Variants in ZNF695 observed in about 807,000 individuals in gnomAD.
ZNF695 encodes the protein zinc finger protein SBZF3.
Under a neutral mutation model 11.2 loss-of-function variants are expected in ZNF695, and 11 were observed. The ratio of observed to expected loss-of-function variants is 0.98; its 90% CI spans 0.62 to 1.62. ZNF695 has a LOEUF of 1.62. ZNF695 is among the 40% of genes most tolerant of loss of function. The pLI, the probability that ZNF695 is intolerant of heterozygous loss-of-function variation, is 0.00. For missense variants in ZNF695, 559 were observed against 590.5 expected (o/e 0.95, Z 0.55); for synonymous variants, 190 against 201.4 (o/e 0.94, Z 0.48).
At chr1:246,957,313 T>G (rs150621473) in intron 5 of ZNF695, among the ~76,000 whole-genome samples, 2,533 of 151,216 alleles carry the variant, frequency 0.017, 33 homozygotes, top group African/African-American at 0.038. Context: ...AACTAGGGAG[T>G]TGGAGGTTGC....
chr1:246,962,888 G>A (rs1572509271), intron 5 of ZNF695, among the ~76,000 whole-genome samples: 1 of 151,884 alleles, frequency 6.6e-6, no homozygotes, highest in Admixed American at 6.6e-5. Flanking sequence ...GTAGATAACC[G>A]GGATGGTCTT....
intron 5 of ZNF695, among the ~76,000 whole-genome samples, chr1:246,947,946 C>T (rs1490354235): frequency 6.6e-6 from 1 of 152,152 alleles, no homozygotes; most frequent in Non-Finnish European, 1.5e-5. Context: ...GAGTTGTTTG[C>T]TGAGGCCATG....
chr1:246,959,310 A>AG (rs1276347180), intron 5 of ZNF695, among the ~76,000 whole-genome samples: 1 of 51,252 alleles, frequency 2.0e-5, no homozygotes, highest in Admixed American at 3.5e-4. Flanking sequence ...AAAAAAAAAA[A>AG]ATATATATAT....
chr1:246,992,163 C>CA (rs57295361), intron 3 of ZNF695, among the ~76,000 whole-genome samples: 7,711 of 138,024 alleles, frequency 0.056, 224 homozygotes, highest in Non-Finnish European at 0.065. Context: ...GACTCTGTCT[C>CA]AAAAAAAAAA....
intron 4 of ZNF695, among the ~76,000 whole-genome samples, chr1:246,971,725 T>A (rs187299133): frequency 6.6e-6 from 1 of 152,328 alleles, no homozygotes; most frequent in African/African-American, 2.4e-5. Context: ...TAATGATTAA[T>A]GATATTTATA....
chr1:246,968,177 T>G (rs1184075840), intron 4 of ZNF695: 1 of 152,334 alleles, frequency 6.6e-6, no homozygotes, highest in Non-Finnish European at 1.5e-5. Flanking sequence ...AGCAAGTTAG[T>G]TACATCTAGG....
chr1:246,985,948 C>A lies in ZNF695; in HGVS notation c.*1019G>T. 1 of 985,414 alleles carries A rather than the reference C, an allele frequency of 1.0e-6. No homozygotes were observed. The highest frequency in any genetic ancestry group is 4.7e-5 in the South Asian group (1 of 21,286). The allele number at this position is 985,414 out of a possible 1,614,324, so 61.0% of individuals were successfully genotyped here. ...CATGTAGCAACAGTAGGCCTCATGCCTTCACATAAACACTAGAAATGAAGG... is the reference window on the plus strand; with the variant it reads ...CATGTAGCAACAGTAGGCCTCATGCATTCACATAAACACTAGAAATGAAGG... On this transcript the variant is annotated 3_prime_UTR_variant, in exon 4 of 4. Coordinates refer to ENST00000339986, the MANE Select transcript of ZNF695 (RefSeq NM_020394.5).
At chr1:247,004,831 G>A (rs1206615921) in intron 1 of ZNF695, among the ~76,000 whole-genome samples, 3 of 152,098 alleles carry the variant, frequency 2.0e-5, no homozygotes, top group Non-Finnish European at 4.4e-5. Context: ...TCCCACTTAC[G>A]ATAGCAACAA....
chr1:247,005,232 C>T lies in ZNF695; in HGVS notation c.3+2674G>A, dbSNP rs1420021427. ...AAAACAGCATGGTACTAGCATAAAA[C>T]AAGACACATAGCTCTATGGAACAAA... is the stretch of plus-strand genomic sequence containing the variant. On this transcript the variant is annotated intron_variant, in intron 1 of 3. Coordinates refer to ENST00000339986, the MANE Select transcript of ZNF695 (RefSeq NM_020394.5). Among the ~76,000 whole-genome samples the T allele has an allele frequency of 2.6e-5, 4 of 152,050 alleles. 1 individual carries two copies. The South Asian group carries it at 8.3e-4, about 32-fold the overall frequency.
rs1048732009 is a variant in ZNF695, at chr1:246,986,618, G to A, written c.*349C>T. The A allele has an allele frequency of 1.1e-5, 11 of 1,014,008 alleles. No individual in the cohort carries two copies. The highest frequency in any genetic ancestry group is 1.3e-5 in the Non-Finnish European group (11 of 849,006). 62.8% of individuals were successfully genotyped at this position (1,014,008 alleles called of 1,614,324 possible). ...GTGTGAACACTCTGGTGTTTTCTGAGGTATATTTTTTGAACAAATGTTGTT... is the reference window on the plus strand; with the variant it reads ...GTGTGAACACTCTGGTGTTTTCTGAAGTATATTTTTTGAACAAATGTTGTT... On this transcript the variant is annotated 3_prime_UTR_variant, in exon 4 of 4. Transcript: ENST00000339986.
rs1572540413 is a variant in ZNF695 at position 247,007,738 on chromosome 1, ACCTGCGC to A, written c.3+161_3+167del. Among the ~76,000 whole-genome samples the A allele has an allele frequency of 2.0e-5, 3 of 151,658 alleles. No individual in the cohort carries two copies. In the East Asian group the frequency reaches 5.9e-4, roughly 30 times the overall value. On this transcript the variant is annotated intron_variant, in intron 1 of 3. Transcript: ENST00000339986. Reference sequence around the variant, plus strand: ...GGATCCCGCTGCCGGCCCGGCCCCCACCTGCGCGGGACGGGACTGAGGGCCGAGCTGC... The same window carrying A: ...GGATCCCGCTGCCGGCCCGGCCCCCAGGGACGGGACTGAGGGCCGAGCTGC...
chr1:246,999,892 GA>G lies in ZNF695; in HGVS notation c.166+19del. 4 of 1,611,470 alleles carry G rather than the reference GA, an allele frequency of 2.5e-6. No homozygotes were observed. Among genetic ancestry groups the G allele is most frequent in the Non-Finnish European group, 3.4e-6 (4 of 1,178,394 alleles). On this transcript the variant is annotated intron_variant, in intron 2 of 3. Transcript: ENST00000339986. Reference sequence around the variant, plus strand: ...AACTCCCAGAAAACATTCTACAAAGGAAAAAGATGAAATCCTTACTGTGAAA... The same window carrying G: ...AACTCCCAGAAAACATTCTACAAAGGAAAAGATGAAATCCTTACTGTGAAA...
chr1:246,971,869 C>T (rs1298245176), intron 4 of ZNF695, among the ~76,000 whole-genome samples: 1 of 152,150 alleles, frequency 6.6e-6, no homozygotes, highest in Admixed American at 6.5e-5. Flanking sequence ...AGTGCACCAC[C>T]ACACCCGGCT....
intron 4 of ZNF695, among the ~76,000 whole-genome samples, chr1:246,974,157 CA>C (rs879375430): frequency 2.7e-4 from 35 of 127,402 alleles, no homozygotes; most frequent in African/African-American, 1.2e-3. Context: ...AACAAACAAA[CA>C]AACAAAAAAA....
At chr1:246,996,782 T>TA (rs1236740594) in intron 3 of ZNF695, among the ~76,000 whole-genome samples, 1 of 152,186 alleles carries the variant, frequency 6.6e-6, no homozygotes, top group Non-Finnish European at 1.5e-5. Context: ...CACAAAAAGA[T>TA]AGAGACTGTA....
At chr1:247,003,178 C>G (rs908928698) in intron 1 of ZNF695, among the ~76,000 whole-genome samples, 1 of 152,134 alleles carries the variant, frequency 6.6e-6, no homozygotes, top group Non-Finnish European at 1.5e-5. Context: ...TTCACTGTAG[C>G]CTTTTCACAA....
intron 3 of ZNF695, among the ~76,000 whole-genome samples, chr1:246,994,914 A>T (rs886489212): frequency 1.3e-5 from 2 of 152,220 alleles, no homozygotes; most frequent in South Asian, 4.1e-4. Context: ...ACAATAAATA[A>T]TAAAAGGTTT....
Position 247,007,986 on chromosome 1 carries a change from G to A in ZNF695, c.-78C>T, listed in dbSNP as rs372117028. On this transcript the variant is annotated 5_prime_UTR_variant, in exon 1 of 4. Transcript: ENST00000339986. ...CAGGCCACAGGGCGATGGAGCCTGCGGCAGTCACCCGGGACTCTCCGAGAG... is the reference window on the plus strand; with the variant it reads ...CAGGCCACAGGGCGATGGAGCCTGCAGCAGTCACCCGGGACTCTCCGAGAG... 24 of 1,409,244 alleles carry A rather than the reference G, an allele frequency of 1.7e-5. No individual in the cohort carries two copies. Among genetic ancestry groups the A allele is most frequent in the Admixed American group, 2.4e-5 (1 of 41,954 alleles). The allele number at this position is 1,409,244 out of a possible 1,614,324, so 87.3% of individuals were successfully genotyped here.
chr1:246,996,843 G>T (rs1669226603), intron 3 of ZNF695, among the ~76,000 whole-genome samples: 1 of 152,134 alleles, frequency 6.6e-6, no homozygotes, highest in African/African-American at 2.4e-5. Flanking sequence ...AAATAGAATG[G>T]TGTTTCTAAA....
Sources: allele counts gnomAD v4.1 joint callset (sites outside exome capture counted in the v4.1 genomes callset), GRCh38; gene constraint gnomAD v4.1.1; transcripts MANE v1.5; gene names NCBI Gene and HGNC (gene_info 2026-07-23, HGNC 2026-07-21).